DLGAP2: variants seen among roughly 807,000 people sequenced by gnomAD.
The protein encoded by DLGAP2 is DLG associated protein 2.
In DLGAP2, 26 loss-of-function variants were observed where a neutral mutation model predicts 100.3. That is an observed-to-expected ratio of 0.26 (90% CI 0.19 to 0.36). The LOEUF is 0.36. Among genes scored for constraint, DLGAP2 ranks in the 10% least tolerant of loss-of-function variants. The pLI, the probability that DLGAP2 is intolerant of heterozygous loss-of-function variation, is 1.00. For missense variants in DLGAP2, 1,858 were observed against 1,453.2 expected (o/e 1.28, Z -4.53); for synonymous variants, 886 against 630.1 (o/e 1.41, Z -6.08).
intron 6 of DLGAP2, among the ~76,000 whole-genome samples, chr8:1,623,544 T>G (rs1797406982): frequency 6.7e-6 from 1 of 149,116 alleles, no homozygotes; most frequent in South Asian, 2.1e-4. Flanking sequence ...CTGACACCAG[T>G]GCGTGATAAC....
At chr8:961,567 G>T (rs917814225) in intron 2 of DLGAP2, among the ~76,000 whole-genome samples, 1 of 152,154 alleles carries the variant, frequency 6.6e-6, no homozygotes, top group Non-Finnish European at 1.5e-5. Context: ...TGTCCTGGCT[G>T]TGCAACAGTG....
intron 2 of DLGAP2, among the ~76,000 whole-genome samples, chr8:1,157,803 T>C (rs973250624): frequency 1.3e-5 from 2 of 152,216 alleles, no homozygotes; most frequent in East Asian, 3.8e-4. Flanking sequence ...CATCCTGGGA[T>C]CGGAGGGAGG....
At chr8:986,730 G>A (rs1329934848) in intron 2 of DLGAP2, among the ~76,000 whole-genome samples, 4 of 149,996 alleles carry the variant, frequency 2.7e-5, no homozygotes, top group Admixed American at 1.3e-4. Flanking sequence ...TGCAATCTTG[G>A]CTCACTGAAA....
chr8:1,461,210 G>C (rs374854490), intron 3 of DLGAP2, among the ~76,000 whole-genome samples: 1 of 133,726 alleles, frequency 7.5e-6, no homozygotes, highest in Admixed American at 7.6e-5. Flanking sequence ...TCGCTGATTC[G>C]GTGGCCAGGA....
At chr8:1,567,018 T>C (rs1489767014) in intron 6 of DLGAP2, among the ~76,000 whole-genome samples, 2 of 152,196 alleles carry the variant, frequency 1.3e-5, no homozygotes, top group Non-Finnish European at 2.9e-5. Context: ...CAGTGCCAGC[T>C]TGTGGGACGA....
At chr8:1,161,266 C>T (rs1157342266) in intron 2 of DLGAP2, among the ~76,000 whole-genome samples, 1 of 152,080 alleles carries the variant, frequency 6.6e-6, no homozygotes, top group Admixed American at 6.6e-5. Context: ...ACAAGCTGAC[C>T]ACACCAGCCC....
At chr8:1,246,237 C>T (rs561397029) in intron 2 of DLGAP2, among the ~76,000 whole-genome samples, 71 of 152,220 alleles carry the variant, frequency 4.7e-4, no homozygotes, top group African/African-American at 1.2e-3. Context: ...AAGGTGAGAA[C>T]GCAACCACAA....
intron 3 of DLGAP2, among the ~76,000 whole-genome samples, chr8:1,431,998 C>G (rs1315350157): frequency 6.6e-6 from 1 of 150,654 alleles, no homozygotes; most frequent in African/African-American, 2.4e-5. Flanking sequence ...CTGCCGGCAC[C>G]CAGCACCCCA....
chr8:1,492,844 G>C (rs1799430888), intron 3 of DLGAP2, among the ~76,000 whole-genome samples: 1 of 152,206 alleles, frequency 6.6e-6, no homozygotes, highest in South Asian at 2.1e-4. Flanking sequence ...CTGCGGGACA[G>C]TAGGCCGGAG....
chr8:1,622,659 C>T (rs1442337775), intron 6 of DLGAP2, among the ~76,000 whole-genome samples: 1 of 152,176 alleles, frequency 6.6e-6, no homozygotes, highest in Non-Finnish European at 1.5e-5. Flanking sequence ...AGGGGAGCAA[C>T]ATCTGAAAGG....
chr8:1,407,557 C>G (rs1239979409), intron 3 of DLGAP2, among the ~76,000 whole-genome samples: 96 of 130,446 alleles, frequency 7.4e-4, no homozygotes, highest in African/African-American at 2.4e-3. Context: ...GCGCCACCTC[C>G]TCATCCTCCA....
intron 6 of DLGAP2, among the ~76,000 whole-genome samples, chr8:1,601,952 G>GTGTGTGTT (rs1554506584): frequency 2.0e-5 from 3 of 150,644 alleles, no homozygotes; most frequent in African/African-American, 7.3e-5. Flanking sequence ...CAGGGTGTGT[G>GTGTGTGTT]TGTGTGTGTG....
At chr8:1,589,644 C>T (rs73174731) in intron 6 of DLGAP2, among the ~76,000 whole-genome samples, 6 of 152,114 alleles carry the variant, frequency 3.9e-5, no homozygotes, top group Non-Finnish European at 7.4e-5. Context: ...GATGGGGTTT[C>T]ATCACGTAGC....
intron 3 of DLGAP2, among the ~76,000 whole-genome samples, chr8:1,367,456 A>G (rs1802133648): frequency 6.6e-6 from 1 of 152,238 alleles, no homozygotes; most frequent in Admixed American, 6.5e-5. Context: ...TCAGAGCCTC[A>G]TTCATAACTC....
At chr8:1,284,338 C>A (rs974966849) in intron 3 of DLGAP2, among the ~76,000 whole-genome samples, 9 of 152,038 alleles carry the variant, frequency 5.9e-5, no homozygotes, top group Admixed American at 1.3e-4. Flanking sequence ...ATCTGGTATC[C>A]GGGGCTGTGG....
rs77859003 is a variant in DLGAP2, at chr8:1,535,821, G to T, written c.173-12805G>T. The stretch of plus-strand genomic sequence containing the variant: ...AGAGACTTGCAGGGCATTGAAGGCA[G>T]ACAGTGGGCTGCCCTGTGCCGGCTC... On this transcript the variant is annotated intron_variant, in intron 4 of 14. Transcript: ENST00000637795. 3.7e-3 allele frequency among the ~76,000 whole-genome samples: 561 copies of T among 152,306 alleles called. 3 individuals carry two copies. The highest frequency in any genetic ancestry group is 0.013 in the African/African-American group (530 of 41,566).
intron 2 of DLGAP2, among the ~76,000 whole-genome samples, chr8:1,196,722 A>C (rs1019457863): frequency 6.6e-6 from 1 of 152,142 alleles, no homozygotes; most frequent in African/African-American, 2.4e-5. Flanking sequence ...GCACGTTGTC[A>C]GTGGGGCTCC....
At chr8:1,317,087 G>A (rs1303049529) in intron 3 of DLGAP2, among the ~76,000 whole-genome samples, 1 of 133,800 alleles carries the variant, frequency 7.5e-6, no homozygotes, top group East Asian at 2.2e-4. Flanking sequence ...CGAGACACTC[G>A]GCAGCGTTTA....
intron 3 of DLGAP2, among the ~76,000 whole-genome samples, chr8:1,452,056 G>T (rs73672707): frequency 6.6e-6 from 1 of 152,240 alleles, no homozygotes; most frequent in Non-Finnish European, 1.5e-5. Context: ...CGAGGCATCC[G>T]GATCTGAGCC....
Sources: gnomAD v4.1 joint callset for allele counts (sites outside exome capture counted in the v4.1 genomes callset) on GRCh38, gnomAD v4.1.1 for gene constraint, MANE v1.5 for transcripts, NCBI Gene and HGNC (gene_info 2026-07-23, HGNC 2026-07-21) for gene names.